The following ZNF385B variants were observed in gnomAD, a reference collection of about 807,000 sequenced individuals.
The protein encoded by ZNF385B is zinc finger protein 533.
ZNF385B carries 23 observed loss-of-function variants against 39.2 expected under a neutral mutation model. The ratio of observed to expected loss-of-function variants is 0.59; its 90% confidence interval spans 0.42 to 0.83. ZNF385B has a LOEUF of 0.83. Among genes scored for constraint, ZNF385B ranks in the 40% least tolerant of loss-of-function variants. The pLI is 0.00. For missense variants in ZNF385B, 552 were observed against 598.9 expected (o/e 0.92, Z 0.82); for synonymous variants, 205 against 222.6 (o/e 0.92, Z 0.70).
chr2:179,742,825 A>AT (rs1702159579), intron 3 of ZNF385B, among the ~76,000 whole-genome samples: 1 of 152,030 alleles, frequency 6.6e-6, no homozygotes, highest in Non-Finnish European at 1.5e-5. Flanking sequence ...TGTATCTGCT[A>AT]TTTTTTGTAA....
intron 3 of ZNF385B, among the ~76,000 whole-genome samples, chr2:179,619,305 A>T (rs1291796500): frequency 2.0e-5 from 3 of 152,220 alleles, no homozygotes; most frequent in Non-Finnish European, 4.4e-5. Context: ...CAAGAGAAAT[A>T]TACATATACA....
At chr2:179,527,082 A>G (rs1044339308) in intron 4 of ZNF385B, among the ~76,000 whole-genome samples, 1 of 152,208 alleles carries the variant, frequency 6.6e-6, no homozygotes, top group African/African-American at 2.4e-5. Context: ...TACTATTGCT[A>G]CTACTACTAT....
At chr2:179,702,473 T>A (rs1699282115) in intron 3 of ZNF385B, among the ~76,000 whole-genome samples, 1 of 152,236 alleles carries the variant, frequency 6.6e-6, no homozygotes. Context: ...TGGACTCGTT[T>A]ATTGAAAAGC....
chr2:179,759,724 C>T (rs960738544), intron 3 of ZNF385B, among the ~76,000 whole-genome samples: 11 of 152,130 alleles, frequency 7.2e-5, no homozygotes, highest in African/African-American at 2.2e-4. Flanking sequence ...GCCACATCTA[C>T]GTTACATGTA....
intron 4 of ZNF385B, among the ~76,000 whole-genome samples, chr2:179,524,083 C>T (rs1430104966): frequency 6.6e-6 from 1 of 151,980 alleles, no homozygotes; most frequent in Non-Finnish European, 1.5e-5. Context: ...CAGACGTGAG[C>T]CACCCTGCCC....
chr2:179,525,186 C>T (rs746621175), intron 4 of ZNF385B, among the ~76,000 whole-genome samples: 2 of 151,180 alleles, frequency 1.3e-5, no homozygotes, highest in Non-Finnish European at 3.0e-5. Context: ...TTGCATCGCA[C>T]TGCTAAAGGG....
At chr2:179,626,927 A>T (rs1024880353) in intron 3 of ZNF385B, among the ~76,000 whole-genome samples, 2 of 152,188 alleles carry the variant, frequency 1.3e-5, no homozygotes, top group African/African-American at 4.8e-5. Flanking sequence ...TTCATGCCAG[A>T]AACATCTCCT....
At chr2:179,537,321 T>TA (rs1222990610) in intron 4 of ZNF385B, among the ~76,000 whole-genome samples, 1,295 of 123,984 alleles carry the variant, frequency 0.01, 12 homozygotes, top group African/African-American at 0.035. Flanking sequence ...AAAAAATAAA[T>TA]AAAAAAAAAA....
intron 3 of ZNF385B, among the ~76,000 whole-genome samples, chr2:179,578,653 T>C (rs575705494): frequency 2.0e-5 from 3 of 152,242 alleles, no homozygotes; most frequent in South Asian, 2.1e-4. Context: ...ATGCTCAGAA[T>C]TGAATCACTT....
At chr2:179,695,118 G>T (rs1698640897) in intron 3 of ZNF385B, among the ~76,000 whole-genome samples, 1 of 152,012 alleles carries the variant, frequency 6.6e-6, no homozygotes. Flanking sequence ...TTTTATATGT[G>T]GTTAATTTGA....
At chr2:179,839,516 GTA>G (rs1295707373) in intron 1 of ZNF385B, among the ~76,000 whole-genome samples, 3 of 152,158 alleles carry the variant, frequency 2.0e-5, no homozygotes, top group African/African-American at 7.2e-5. Context: ...ATTTCATAAT[GTA>G]TCTGTTTATT....
chr2:179,724,700 C>T (rs536533871), intron 3 of ZNF385B, among the ~76,000 whole-genome samples: 1 of 152,206 alleles, frequency 6.6e-6, no homozygotes, highest in Admixed American at 6.5e-5. Flanking sequence ...TAAGGTGATA[C>T]TTTGCAGGAT....
chr2:179,807,933 G>C (rs147764066), intron 1 of ZNF385B, among the ~76,000 whole-genome samples: 18 of 97,704 alleles, frequency 1.8e-4, no homozygotes, highest in Non-Finnish European at 4.0e-4. Context: ...AAAGAAAGAA[G>C]GAAGGAAGGA....
At chr2:179,493,438 T>C (rs1281657357) in intron 5 of ZNF385B, among the ~76,000 whole-genome samples, 6 of 151,504 alleles carry the variant, frequency 4.0e-5, no homozygotes, top group African/African-American at 1.2e-4. Flanking sequence ...TATATGTACG[T>C]ATATGCATGT....
At chr2:179,575,927 G>C (rs1412736202) in intron 3 of ZNF385B, among the ~76,000 whole-genome samples, 1 of 151,912 alleles carries the variant, frequency 6.6e-6, no homozygotes, top group Non-Finnish European at 1.5e-5. Context: ...TTTCCTCAAG[G>C]GTTCATTTTA....
At chr2:179,779,340 C>T (rs1704530430) in intron 1 of ZNF385B, among the ~76,000 whole-genome samples, 1 of 152,204 alleles carries the variant, frequency 6.6e-6, no homozygotes, top group Non-Finnish European at 1.5e-5. Context: ...CAGCCCAGTT[C>T]ATCTAGAGCA....
rs568909110 is a variant in ZNF385B at position 179,717,758 on chromosome 2, G to A, written c.298+51745C>T. Among the ~76,000 whole-genome samples the A allele has an allele frequency of 3.3e-5, 5 of 152,210 alleles. No individual in the cohort carries two copies. The South Asian group carries it at 6.2e-4, about 19-fold the overall frequency. On this transcript the variant is annotated intron_variant, in intron 3 of 9. Transcript: ENST00000410066. ...AATAAACAAACAAAAACCTTCTCAT[G>A]ATAGTTTCAACTGTTTCTGAGTTGT...
chr2:179,788,609 T>G (rs779365529), intron 1 of ZNF385B, among the ~76,000 whole-genome samples: 2 of 152,028 alleles, frequency 1.3e-5, no homozygotes, highest in Admixed American at 6.6e-5. Context: ...GATGGCCCAA[T>G]TACTGAGAAG....
rs572321744 is a variant in ZNF385B, at chr2:179,816,750, C to T, written c.-155+44351G>A. ...AATAAAATAAATATCTAAATAAAAG[C>T]TCACATTTTTAAACATGAAATTTCA... is the stretch of plus-strand genomic sequence containing the variant. On this transcript the variant is annotated intron_variant, in intron 1 of 9. Transcript: ENST00000410066. Among the ~76,000 whole-genome samples, 46 of 152,262 alleles carry T rather than the reference C, an allele frequency of 3.0e-4. No individual in the cohort carries two copies. The South Asian group carries it at 9.5e-3, about 32-fold the overall frequency.
Sources: gnomAD v4.1 joint callset for allele counts (sites outside exome capture counted in the v4.1 genomes callset) on GRCh38, gnomAD v4.1.1 for gene constraint, MANE v1.5 for transcripts, NCBI Gene and HGNC (gene_info 2026-07-23, HGNC 2026-07-21) for gene names.